Variants in SGMS1 observed in about 807,000 individuals in gnomAD.
The protein encoded by SGMS1 is phosphatidylcholine:ceramide cholinephosphotransferase 1.
In SGMS1, 13 loss-of-function variants were observed where a neutral mutation model predicts 46.2. The ratio of observed to expected loss-of-function variants is 0.28; its 90% CI spans 0.18 to 0.45. The LOEUF (loss-of-function observed/expected upper bound fraction) is 0.45. Ranked by LOEUF, SGMS1 falls within the 20% of genes least tolerant of loss-of-function variation. SGMS1 has a pLI of 1.00. For missense variants in SGMS1, 324 were observed against 519.9 expected (o/e 0.62, Z 3.66); for synonymous variants, 203 against 187.8 (o/e 1.08, Z -0.66).
intron 6 of SGMS1, among the ~76,000 whole-genome samples, chr10:50,391,442 G>C (rs1848765560): frequency 6.6e-6 from 1 of 152,128 alleles, no homozygotes; most frequent in South Asian, 2.1e-4. Context: ...CCAATCATTA[G>C]AGAAATGCAA....
intron 7 of SGMS1, among the ~76,000 whole-genome samples, chr10:50,330,810 G>T (rs1786767241): frequency 6.6e-6 from 1 of 152,178 alleles, no homozygotes; most frequent in Admixed American, 6.5e-5. Flanking sequence ...GAAGAGTAAT[G>T]ATTCAGGTCT....
rs893636786 is a variant in SGMS1 at position 50,548,746 on chromosome 10, G to T, written c.-588-28825C>A. Reference sequence around the variant, plus strand: ...ACCAAAGAACTTCTACACAGCAAAAGAAACTATCATCAGAGTGAACAGACA... The same window carrying T: ...ACCAAAGAACTTCTACACAGCAAAATAAACTATCATCAGAGTGAACAGACA... On this transcript the variant is annotated intron_variant, in intron 2 of 10. Coordinates refer to ENST00000361781, the MANE Select transcript of SGMS1 (RefSeq NM_147156.4). Among the ~76,000 whole-genome samples the T allele has an allele frequency of 2.0e-5, 3 of 152,068 alleles. No homozygotes were observed. The East Asian group carries it at 5.8e-4, about 29-fold the overall frequency.
At chr10:50,355,056 T>C (rs1455801544) in intron 6 of SGMS1, among the ~76,000 whole-genome samples, 2 of 152,214 alleles carry the variant, frequency 1.3e-5, no homozygotes, top group Non-Finnish European at 2.9e-5. Context: ...GATCTAGAAC[T>C]AGAAATATCA....
At chr10:50,451,301 G>C (rs1034451803) in intron 5 of SGMS1, among the ~76,000 whole-genome samples, 1 of 152,128 alleles carries the variant, frequency 6.6e-6, no homozygotes, top group African/African-American at 2.4e-5. Flanking sequence ...CAGTTGGCAT[G>C]TTTACCATGT....
chr10:50,619,640 C>T (rs1011929302), intron 1 of SGMS1, among the ~76,000 whole-genome samples: 24 of 152,222 alleles, frequency 1.6e-4, no homozygotes, highest in Admixed American at 1.3e-3. Context: ...GTGAGCTCAG[C>T]TCTCAGCACC....
chr10:50,361,542 A>C (rs1848248276), intron 6 of SGMS1, among the ~76,000 whole-genome samples: 2 of 152,180 alleles, frequency 1.3e-5, no homozygotes, highest in South Asian at 4.1e-4. Flanking sequence ...TAAGGGGCAA[A>C]AATAAACAAA....
At chr10:50,453,750 G>A in intron 5 of SGMS1, among the ~76,000 whole-genome samples, 1 of 135,628 alleles carries the variant, frequency 7.4e-6, no homozygotes, top group South Asian at 2.7e-4. Flanking sequence ...GAGAGACAGA[G>A]GGAGAAGGAA....
intron 2 of SGMS1, among the ~76,000 whole-genome samples, chr10:50,567,243 C>A (rs576695145): frequency 4.7e-4 from 72 of 152,256 alleles, no homozygotes; most frequent in Middle Eastern, 3.4e-3. Flanking sequence ...TCGCACCCGG[C>A]CTATACTGTA....
chr10:50,328,404 T>C (rs938871430), intron 7 of SGMS1, among the ~76,000 whole-genome samples: 6 of 152,192 alleles, frequency 3.9e-5, no homozygotes, highest in African/African-American at 1.4e-4. Flanking sequence ...CATTCAATCA[T>C]TATAATCATA....
At chr10:50,621,863 C>T (rs979511563) in intron 1 of SGMS1, among the ~76,000 whole-genome samples, 1 of 152,202 alleles carries the variant, frequency 6.6e-6, no homozygotes, top group Non-Finnish European at 1.5e-5. Context: ...AACTGCATGG[C>T]GGCAGCAGCC....
Position 50,588,927 on chromosome 10 carries a change from C to T in SGMS1, c.-589+1226G>A, listed in dbSNP as rs189312006. Among the ~76,000 whole-genome samples, 537 of 152,080 alleles carry T rather than the reference C, an allele frequency of 3.5e-3. 2 individuals are homozygous for T. Among genetic ancestry groups the T allele is most frequent in the Non-Finnish European group, 6.1e-3 (416 of 67,966 alleles). On this transcript the variant is annotated intron_variant, in intron 2 of 10. Transcript: ENST00000361781. ...TGTATTTTTAGTAGAGACAGGGTTTCACTATGTTGGCCAGGCAGGTCTTAA... is the reference window on the plus strand; with the variant it reads ...TGTATTTTTAGTAGAGACAGGGTTTTACTATGTTGGCCAGGCAGGTCTTAA...
At chr10:50,531,838 C>A (rs1837956031) in intron 2 of SGMS1, among the ~76,000 whole-genome samples, 1 of 152,180 alleles carries the variant, frequency 6.6e-6, no homozygotes, top group African/African-American at 2.4e-5. Context: ...CAAGCAATAG[C>A]ATGATAAGGT....
intron 3 of SGMS1, among the ~76,000 whole-genome samples, chr10:50,481,131 T>C (rs535443483): frequency 6.6e-6 from 1 of 152,328 alleles, no homozygotes; most frequent in East Asian, 1.9e-4. Context: ...GTCCGAGCAG[T>C]CTGGACCAAG....
At chr10:50,364,080 T>C (rs1020419751) in intron 6 of SGMS1, among the ~76,000 whole-genome samples, 7 of 151,252 alleles carry the variant, frequency 4.6e-5, no homozygotes, top group African/African-American at 1.5e-4. Flanking sequence ...AACAATTCAA[T>C]AGGAACAATA....
At chr10:50,315,702 A>G (rs934686141) in intron 8 of SGMS1, among the ~76,000 whole-genome samples, 8 of 152,170 alleles carry the variant, frequency 5.3e-5, no homozygotes, top group Non-Finnish European at 1.2e-4. Flanking sequence ...GTAGCTTTTG[A>G]ATGTCTATTT....
chr10:50,438,718 GGA>G (rs1849505485), intron 5 of SGMS1, among the ~76,000 whole-genome samples: 1 of 152,198 alleles, frequency 6.6e-6, no homozygotes, highest in African/African-American at 2.4e-5. Context: ...TTCTGAGAGA[GGA>G]GAGGGGAGAA....
chr10:50,579,710 T>G (rs1046006452), intron 2 of SGMS1, among the ~76,000 whole-genome samples: 11 of 152,178 alleles, frequency 7.2e-5, no homozygotes, highest in Admixed American at 3.9e-4. Flanking sequence ...TTACCTCCCA[T>G]ATGAAATTTT....
chr10:50,330,293 AAAAACAAAAC>A (rs10678162), intron 7 of SGMS1, among the ~76,000 whole-genome samples: 4 of 150,070 alleles, frequency 2.7e-5, no homozygotes, highest in Non-Finnish European at 4.4e-5. Flanking sequence ...GTCTCTACTA[AAAAACAAAAC>A]AAAACAAAAC....
At chr10:50,508,386 G>T (rs1051085152) in intron 3 of SGMS1, among the ~76,000 whole-genome samples, 2 of 152,140 alleles carry the variant, frequency 1.3e-5, no homozygotes, top group Non-Finnish European at 2.9e-5. Flanking sequence ...TCCTAGAGCT[G>T]CATCCTAGGG....
Sources: allele counts gnomAD v4.1 joint callset (sites outside exome capture counted in the v4.1 genomes callset), GRCh38; gene constraint gnomAD v4.1.1; transcripts MANE v1.5; gene names NCBI Gene and HGNC (gene_info 2026-07-23, HGNC 2026-07-21).